The following DSCAM variants were observed in gnomAD, a reference collection of about 807,000 sequenced individuals.
DSCAM encodes cell adhesion molecule DSCAM.
In DSCAM, 47 loss-of-function variants were observed where a neutral mutation model predicts 217.7. The observed-to-expected ratio is 0.22, with a 90% CI of 0.17 to 0.28. The LOEUF is 0.28. DSCAM is among the 10% of genes least tolerant of loss of function. The pLI, the probability that DSCAM is intolerant of heterozygous loss-of-function variation, is 1.00. For missense variants in DSCAM, 2,080 were observed against 2,618.3 expected, an observed-to-expected ratio of 0.79 and a Z score of 4.49; for synonymous variants, 1,056 against 1,015.3, an observed-to-expected ratio of 1.04 and a Z score of -0.76.
Position 40,296,119 on chromosome 21 carries a change from T to C in DSCAM, c.2118A>G (p.Ala706=). The C allele has an allele frequency of 2.5e-6, 4 of 1,614,150 alleles. No homozygotes were observed. Among genetic ancestry groups the C allele is most frequent in the Non-Finnish European group, 3.4e-6 (4 of 1,179,974 alleles). Residue 706 remains alanine, a synonymous_variant, in exon 10 of 33, where the codon GCA becomes GCG. Coordinates refer to ENST00000400454, the MANE Select transcript of DSCAM (RefSeq NM_001389.5). ...PRDQDGIYGK[A]VILNCSAEGY... ...CCTCAGCAGAACAATTGAGGATGAC[T>C]GCTTTGCCATAAATCCCGTCCTGGT...
chr21:40,252,943 G>T (rs1280172281), intron 11 of DSCAM, among the ~76,000 whole-genome samples: 1 of 152,186 alleles, frequency 6.6e-6, no homozygotes, highest in Non-Finnish European at 1.5e-5. Context: ...AAGGGGCGGG[G>T]GGCTGAGAAC....
In DSCAM at chr21:40,144,452, C is replaced by A. The variant is rs376644665; in HGVS notation, c.3259+39G>T. 3.7e-6 allele frequency: 6 copies of A among 1,608,928 alleles called. No homozygotes were observed. Among genetic ancestry groups the A allele is most frequent in the South Asian group, 1.1e-5 (1 of 90,684 alleles). On this transcript the variant is annotated intron_variant, in intron 17 of 32. Transcript: ENST00000400454. The surrounding 1 kb of genome is among the most constrained non-coding windows in gnomAD (Gnocchi z 4.8). ...CGGGGCAGACCCGAGGGAACCTTTG[C>A]GGAGGGAAAAGCCACGACCAGGCCC...
intron 3 of DSCAM, among the ~76,000 whole-genome samples, chr21:40,597,444 A>G (rs2077029188): frequency 6.7e-6 from 1 of 149,082 alleles, no homozygotes; most frequent in Non-Finnish European, 1.5e-5. Flanking sequence ...TTCTAAATCA[A>G]AGTTTGCAAG....
chr21:40,179,284 A>G (rs1036047944), intron 14 of DSCAM, among the ~76,000 whole-genome samples, 190 bp from the exon 15 acceptor site: 2 of 151,532 alleles, frequency 1.3e-5, no homozygotes, highest in Non-Finnish European at 2.9e-5. Flanking sequence ...AGAGTTGGCC[A>G]TCAGAGGGGA....
chr21:40,449,204 G>T (rs1418701420), intron 3 of DSCAM, among the ~76,000 whole-genome samples: 1 of 152,050 alleles, frequency 6.6e-6, no homozygotes, highest in South Asian at 2.1e-4. Context: ...GGATAATAGA[G>T]GATAAACTCT....
In DSCAM at chr21:40,675,014, A is replaced by AACAC. The variant is rs375640720; in HGVS notation, c.508+17792_508+17795dup. Among the ~76,000 whole-genome samples the AACAC allele has an allele frequency of 2.9e-3, 370 of 129,138 alleles. 3 individuals carry two copies. The highest frequency in any genetic ancestry group is 8.6e-3 in the African/African-American group (339 of 39,394). 84.7% of individuals were successfully genotyped at this position (129,138 alleles called of 152,430 possible). ...TTCCACACTCCCACCTCATTATATA[A>AACAC]ACACACACACACACACATGCACGCG... On this transcript the variant is annotated intron_variant, in intron 3 of 32. Coordinates refer to ENST00000400454, the MANE Select transcript of DSCAM (RefSeq NM_001389.5).
intron 3 of DSCAM, among the ~76,000 whole-genome samples, chr21:40,379,939 G>A (rs371272080): frequency 8.5e-5 from 13 of 152,114 alleles, no homozygotes; most frequent in Non-Finnish European, 1.6e-4. Flanking sequence ...ATCTTGAGCC[G>A]CCTGGAAGAA....
rs574237504 is a variant in DSCAM at position 40,373,063 on chromosome 21, G to A, written c.509-3818C>T. On this transcript the variant is annotated intron_variant, in intron 3 of 32. Coordinates refer to ENST00000400454, the MANE Select transcript of DSCAM (RefSeq NM_001389.5). ...ACAGCCACGTTCTTCCCATTGTCAC[G>A]GAGCTGAGCCGCAAAAAACACTCAT... Among the ~76,000 whole-genome samples the A allele has an allele frequency of 1.2e-4, 19 of 152,236 alleles. No individual in the cohort carries two copies. The South Asian group carries it at 3.7e-3, about 30-fold the overall frequency.
intron 3 of DSCAM, among the ~76,000 whole-genome samples, chr21:40,520,573 C>G (rs1447841815): frequency 6.6e-6 from 1 of 152,074 alleles, no homozygotes; most frequent in Non-Finnish European, 1.5e-5. Context: ...CTTTGGGAGG[C>G]CGAGGCGGGC....
At chr21:40,262,154 A>G (rs1055817739) in intron 11 of DSCAM, among the ~76,000 whole-genome samples, 1 of 152,106 alleles carries the variant, frequency 6.6e-6, no homozygotes, top group Non-Finnish European at 1.5e-5. Context: ...CTCAGAATAA[A>G]ACTTACCTTG....
intron 3 of DSCAM, among the ~76,000 whole-genome samples, chr21:40,552,090 C>T (rs779003672): frequency 2.6e-5 from 4 of 151,934 alleles, no homozygotes; most frequent in African/African-American, 4.8e-5. Context: ...CCGAGGTGGG[C>T]GGATCATGAG....
chr21:40,625,675 T>C (rs2089591268), intron 3 of DSCAM, among the ~76,000 whole-genome samples: 1 of 152,234 alleles, frequency 6.6e-6, no homozygotes, highest in East Asian at 1.9e-4. Flanking sequence ...TCTGTTCTTT[T>C]ATCTTTCTTG....
intron 3 of DSCAM, among the ~76,000 whole-genome samples, chr21:40,489,117 G>T (rs894919329): frequency 6.6e-6 from 1 of 152,166 alleles, no homozygotes; most frequent in African/African-American, 2.4e-5. Context: ...GGCCACAGGG[G>T]GCCCAGGCAT....
At chr21:40,072,836 CTT>C (rs756884365) in intron 27 of DSCAM, among the ~76,000 whole-genome samples, 11 of 152,138 alleles carry the variant, frequency 7.2e-5, no homozygotes, top group Non-Finnish European at 1.2e-4. Context: ...TTGGATTTAC[CTT>C]TTCCCCAGAA....
intron 1 of DSCAM, among the ~76,000 whole-genome samples, chr21:40,743,884 G>T (rs1461810435): frequency 6.6e-6 from 1 of 152,150 alleles, no homozygotes; most frequent in African/African-American, 2.4e-5. Context: ...AGAAACATGA[G>T]CAAGATTGCA....
At position 40,179,068 on chromosome 21, in the gene DSCAM, TG is replaced by T. The variant is rs756602877; in HGVS notation, c.2805del (p.Asp937MetfsTer6). 6.2e-7 allele frequency: 1 copy of T among 1,613,874 alleles called. No homozygotes were observed. Among genetic ancestry groups the T allele is most frequent in the Non-Finnish European group, 8.5e-7 (1 of 1,179,994 alleles). ...KSDSWDSAQRTKDVSPQLNSA... is the reference protein window; with the variant it reads ...KSDSWDSAQRXKDVSPQLNSA... Reference sequence around the variant, plus strand: ...GAGTTCAGCTGAGGGGAAACATCTTTGGTTCTCTGAGCAGAATCCCAGGAGT... The same window carrying T: ...GAGTTCAGCTGAGGGGAAACATCTTTGTTCTCTGAGCAGAATCCCAGGAGT... On this transcript the variant is annotated frameshift_variant, in exon 15 of 33. Coordinates refer to ENST00000400454, the MANE Select transcript of DSCAM (RefSeq NM_001389.5). LOFTEE classifies it high-confidence loss of function.
intron 3 of DSCAM, among the ~76,000 whole-genome samples, chr21:40,381,018 G>C (rs139849482): frequency 9.0e-5 from 13 of 144,372 alleles, no homozygotes; most frequent in African/African-American, 2.1e-4. Flanking sequence ...AGCCGAGATC[G>C]TGCCACTGCA....
rs966784804 is a variant in DSCAM at position 40,347,578 on chromosome 21, C to T, written c.1210+92G>A. 21 of 1,536,480 alleles carry T rather than the reference C, an allele frequency of 1.4e-5. No individual in the cohort carries two copies. In the Admixed American group the frequency reaches 1.4e-4, roughly 10 times the overall value. Reference sequence around the variant, plus strand: ...GTGAGACAGAGAGCCTAGAACTGAGCGATCAGCACTGCTTCACCCTGTCTT... The same window carrying T: ...GTGAGACAGAGAGCCTAGAACTGAGTGATCAGCACTGCTTCACCCTGTCTT... On this transcript the variant is annotated intron_variant, in intron 6 of 32. Transcript: ENST00000400454.
At chr21:40,422,678 T>A (rs79121692) in intron 3 of DSCAM, among the ~76,000 whole-genome samples, 10,893 of 152,222 alleles carry the variant, frequency 0.072, 634 homozygotes, top group African/African-American at 0.16. Flanking sequence ...GTAAAGTCTA[T>A]TTTTTAAAAA....
Sources: allele counts gnomAD v4.1 joint callset (sites outside exome capture counted in the v4.1 genomes callset), GRCh38; gene constraint gnomAD v4.1.1; non-coding constraint Gnocchi (gnomAD v3.1); transcripts MANE v1.5; gene names NCBI Gene and HGNC (gene_info 2026-07-23, HGNC 2026-07-21).